The following RGS20 variants were observed in gnomAD, a reference collection of about 807,000 sequenced individuals.
RGS20 encodes gz-selective GTPase-activating protein.
Under a neutral mutation model 33.6 loss-of-function variants are expected in RGS20, and 30 were observed. That is an observed-to-expected ratio of 0.89 (90% CI 0.67 to 1.21). The LOEUF is 1.21. Among genes scored for constraint, RGS20 ranks in the 50% most tolerant of loss-of-function variants. RGS20 has a pLI of 0.00. For synonymous variants in RGS20, 208 were observed against 197.9 expected (o/e 1.05, Z -0.43); for missense variants, 472 against 502.4 (o/e 0.94, Z 0.58).
chr8:53,892,688 G>A (rs1812746957), intron 2 of RGS20, among the ~76,000 whole-genome samples: 1 of 152,180 alleles, frequency 6.6e-6, no homozygotes, highest in Non-Finnish European at 1.5e-5. Context: ...TACATGTACA[G>A]CAGAGGGTTC....
At chr8:53,894,986 C>T (rs1165970474) in intron 2 of RGS20, among the ~76,000 whole-genome samples, 1 of 152,038 alleles carries the variant, frequency 6.6e-6, no homozygotes, top group Non-Finnish European at 1.5e-5. Context: ...TGGGTCATTG[C>T]AATTACTCAC....
In RGS20 at chr8:53,954,182, T is replaced by C. The variant is rs1814792952; in HGVS notation, c.850T>C (p.Phe284Leu). The change falls in exon 5 of 6, where the codon TTC becomes CTC. Residue 284 changes from phenylalanine (F) to leucine (L), a missense_variant. Phe to Leu is a conservative substitution (Grantham distance 22). This residue lies in a region of RGS20 where 125 missense variants were observed against 169.5 expected (regional missense o/e 0.74). Transcript: ENST00000297313. ...ATTCCGTGAATTCCTCCGAACAGAA[T>C]TCAGTGAGGAAAATATGCTCTTCTG... is the stretch of plus-strand genomic sequence containing the variant. 6.2e-7 allele frequency: 1 copy of C among 1,613,926 alleles called. No individual in the cohort carries two copies. Among genetic ancestry groups the C allele is most frequent in the Admixed American group, 1.7e-5 (1 of 59,988 alleles).
At chr8:53,886,296 A>T (rs774153318) in intron 2 of RGS20, among the ~76,000 whole-genome samples, 1 of 152,194 alleles carries the variant, frequency 6.6e-6, no homozygotes, top group South Asian at 2.1e-4. Flanking sequence ...GAGGCCATTC[A>T]CAATCAAGTT....
chr8:53,896,864 A>G (rs1585898078), intron 2 of RGS20, among the ~76,000 whole-genome samples: 2 of 152,366 alleles, frequency 1.3e-5, no homozygotes, highest in South Asian at 4.1e-4. Flanking sequence ...TGGCTTTCAG[A>G]GATTTCAAAT....
chr8:53,933,318 A>C (rs776687208), intron 2 of RGS20, among the ~76,000 whole-genome samples: 6 of 152,156 alleles, frequency 3.9e-5, no homozygotes, highest in Non-Finnish European at 8.8e-5. Context: ...CTCTGAGCTA[A>C]AGGAGCATGT....
intron 2 of RGS20, among the ~76,000 whole-genome samples, chr8:53,931,760 A>T (rs1813970466): frequency 6.6e-6 from 1 of 152,182 alleles, no homozygotes; most frequent in Non-Finnish European, 1.5e-5. Flanking sequence ...GGTGAGCAGA[A>T]GCAGTGTGGG....
intron 2 of RGS20, among the ~76,000 whole-genome samples, chr8:53,905,651 G>A (rs1265415352): frequency 1.3e-5 from 2 of 152,060 alleles, no homozygotes; most frequent in East Asian, 1.9e-4. Context: ...CTGGTGACCC[G>A]GTGTTACTCT....
intron 2 of RGS20, among the ~76,000 whole-genome samples, chr8:53,891,469 A>G (rs1224310167): frequency 6.6e-6 from 1 of 152,146 alleles, no homozygotes; most frequent in East Asian, 1.9e-4. Context: ...AAATGCAAAA[A>G]AATTAGCCAG....
intron 4 of RGS20, 119 bp downstream of exon 3, chr8:53,946,867 C>A: frequency 1.3e-6 from 1 of 769,146 alleles, no homozygotes; most frequent in South Asian, 2.1e-5. Context: ...TTAGTAATAT[C>A]CAATCATTAT....
At chr8:53,889,111 T>C (rs1349088506) in intron 2 of RGS20, among the ~76,000 whole-genome samples, 1 of 152,212 alleles carries the variant, frequency 6.6e-6, no homozygotes, top group Non-Finnish European at 1.5e-5. Flanking sequence ...TTAGCTTTAG[T>C]AGATACTGCA....
In RGS20 at chr8:53,954,132, TG is replaced by T; in HGVS notation, c.802del (p.Val268SerfsTer31). On this transcript the variant is annotated frameshift_variant, in exon 5 of 6. Coordinates refer to ENST00000297313, the MANE Select transcript of RGS20 (RefSeq NM_170587.4). LOFTEE classifies it high-confidence loss of function. ...TGGGCTCAGTCATTTGACAAATTAA[TG>T]GTCACTCCAGCAGGAAGGAATGCAT... 1 of 1,614,112 alleles carries T rather than the reference TG, an allele frequency of 6.2e-7. No individual in the cohort carries two copies. The highest frequency in any genetic ancestry group is 8.5e-7 in the Non-Finnish European group (1 of 1,180,012).
chr8:53,874,770 G>A (rs1003555183), intron 1 of RGS20, among the ~76,000 whole-genome samples: 6 of 152,170 alleles, frequency 3.9e-5, no homozygotes, highest in Non-Finnish European at 1.5e-5. Context: ...GTATATCTGT[G>A]TCGAAATTTC....
At chr8:53,889,398 T>TTCTCTCTC (rs200412498) in intron 2 of RGS20, among the ~76,000 whole-genome samples, 3 of 124,144 alleles carry the variant, frequency 2.4e-5, no homozygotes, top group African/African-American at 1.3e-4. Context: ...CTTTCTTTCT[T>TTCTCTCTC]TCTCTCTCTC....
intron 1 of RGS20, among the ~76,000 whole-genome samples, chr8:53,867,658 TCTTCCTTC>T (rs3083109): frequency 0.015 from 2,220 of 143,326 alleles, 31 homozygotes; most frequent in Middle Eastern, 0.042. Flanking sequence ...ACGGAAGTAG[TCTTCCTTC>T]CTTCCTTCCT....
At chr8:53,908,873 A>G (rs1438913710) in intron 2 of RGS20, among the ~76,000 whole-genome samples, 2 of 152,102 alleles carry the variant, frequency 1.3e-5, no homozygotes, top group Non-Finnish European at 2.9e-5. Flanking sequence ...TCAAAATCAT[A>G]TATATACTCT....
At chr8:53,933,224 G>A (rs568082887) in intron 2 of RGS20, among the ~76,000 whole-genome samples, 4 of 152,204 alleles carry the variant, frequency 2.6e-5, no homozygotes, top group African/African-American at 7.2e-5. Context: ...ATCACAACTC[G>A]TTGCCAGCAA....
intron 1 of RGS20, among the ~76,000 whole-genome samples, chr8:53,858,916 C>T (rs1401680387): frequency 2.1e-5 from 3 of 139,658 alleles, no homozygotes; most frequent in South Asian, 2.3e-4. Context: ...AAAAAAACCG[C>T]GGGGGGTGGG....
At chr8:53,935,966 T>C (rs1207900563) in intron 2 of RGS20, among the ~76,000 whole-genome samples, 5 of 152,134 alleles carry the variant, frequency 3.3e-5, no homozygotes, top group African/African-American at 9.7e-5. Flanking sequence ...ATAAACATAA[T>C]CCATCACATA....
intron 5 of RGS20, 123 bp from the exon 5 acceptor site, chr8:53,958,147 A>G: frequency 1.4e-6 from 1 of 691,618 alleles, no homozygotes; most frequent in Non-Finnish European, 2.3e-6. Context: ...AAACAAAACA[A>G]ACAACAAAAA....
Sources: gnomAD v4.1 joint callset for allele counts (sites outside exome capture counted in the v4.1 genomes callset) on GRCh38, gnomAD v4.1.1 for gene constraint, gnomAD v4.1.1 regional missense constraint, MANE v1.5 for transcripts, NCBI Gene and HGNC (gene_info 2026-07-23, HGNC 2026-07-21) for gene names.